Variants in KRABD5 observed in about 807,000 individuals in gnomAD.
KRABD5 encodes the protein KRAB domain containing 5, also known as KRAB domain-containing protein 5.
the KRABD5 span, among the ~76,000 whole-genome samples, chr16:31,737,407 A>G: frequency 1.3e-5 from 2 of 152,234 alleles, no homozygotes; most frequent in Admixed American, 1.3e-4. Flanking sequence ...GTGTGCTGAT[A>G]GAAAACCATC....
At chr16:31,755,561 G>T in the KRABD5 span, 1 of 463,750 alleles carries the variant, frequency 2.2e-6, no homozygotes, top group South Asian at 1.5e-5. Context: ...TATATGTAAG[G>T]ATTGTGGCAT....
chr16:31,755,163 G>A, the KRABD5 span: 2 of 482,438 alleles, frequency 4.1e-6, no homozygotes, highest in Admixed American at 2.2e-5. Flanking sequence ...GCCTTTAACT[G>A]TAGGTCGTAC....
At chr16:31,759,574 TG>T in the KRABD5 span, 10 of 691,990 alleles carry the variant, frequency 1.4e-5, no homozygotes, top group South Asian at 3.1e-5. Context: ...ATTAAATGGG[TG>T]GGGGTAGGGA....
chr16:31,739,386 C>G, the KRABD5 span, among the ~76,000 whole-genome samples: 3 of 152,186 alleles, frequency 2.0e-5, no homozygotes, highest in East Asian at 5.8e-4. Context: ...AACTTTCTGA[C>G]CTGTGAGATT....
chr16:31,745,577 C>T, the KRABD5 span, among the ~76,000 whole-genome samples: 1 of 151,816 alleles, frequency 6.6e-6, no homozygotes, highest in Admixed American at 6.6e-5. Context: ...CATCTGGCAC[C>T]GAGAAGAATG....
chr16:31,731,945 A>G, the KRABD5 span, among the ~76,000 whole-genome samples: 1 of 152,152 alleles, frequency 6.6e-6, no homozygotes, highest in African/African-American at 2.4e-5. Context: ...GAGAGTTGAC[A>G]GAGATAGATT....
chr16:31,742,738 C>T, the KRABD5 span, among the ~76,000 whole-genome samples: 1 of 152,192 alleles, frequency 6.6e-6, no homozygotes, highest in African/African-American at 2.4e-5. Flanking sequence ...AATCACCACA[C>T]TGTCTTCCAC....
At chr16:31,754,534 A>G in the KRABD5 span, 2 of 577,168 alleles carry the variant, frequency 3.5e-6, no homozygotes, top group Admixed American at 2.2e-5. Context: ...CTCATTTTCT[A>G]CATAACCATT....
the KRABD5 span, chr16:31,758,401 C>G: frequency 1.3e-5 from 2 of 151,804 alleles, no homozygotes; most frequent in African/African-American, 4.8e-5. Context: ...TAAATCAACA[C>G]TAGAACATCA....
At chr16:31,724,945 A>G in the KRABD5 span, among the ~76,000 whole-genome samples, 4 of 152,042 alleles carry the variant, frequency 2.6e-5, no homozygotes, top group Admixed American at 2.6e-4. Context: ...CAGTATTTGT[A>G]TTTCTCTATC....
At chr16:31,725,792 AG>A in the KRABD5 span, among the ~76,000 whole-genome samples, 4 of 152,216 alleles carry the variant, frequency 2.6e-5, no homozygotes, top group African/African-American at 9.6e-5. Flanking sequence ...AAGACTTTCT[AG>A]TCAGGTCCTT....
the KRABD5 span, among the ~76,000 whole-genome samples, chr16:31,745,416 G>A: frequency 4.5e-4 from 69 of 151,998 alleles, no homozygotes; most frequent in Non-Finnish European, 8.5e-4. Context: ...CAATTTCCAT[G>A]TAATTGTATG....
the KRABD5 span, among the ~76,000 whole-genome samples, chr16:31,743,938 T>C: frequency 6.6e-6 from 1 of 152,188 alleles, no homozygotes. Flanking sequence ...ATTCTTGTTG[T>C]AAAGGAATGC....
the KRABD5 span, chr16:31,723,275 C>T: frequency 1.2e-6 from 2 of 1,613,838 alleles, no homozygotes; most frequent in Non-Finnish European, 1.7e-6. Flanking sequence ...TGTCTCTAAG[C>T]CGGACCTGAT....
chr16:31,734,515 G>T, the KRABD5 span, among the ~76,000 whole-genome samples: 1 of 152,082 alleles, frequency 6.6e-6, no homozygotes, highest in African/African-American at 2.4e-5. Context: ...GCCTCCCAAA[G>T]TACAGGGATT....
chr16:31,749,781 A>C, the KRABD5 span, among the ~76,000 whole-genome samples: 1 of 152,104 alleles, frequency 6.6e-6, no homozygotes, highest in Non-Finnish European at 1.5e-5. Flanking sequence ...GTCAGTTCTG[A>C]TGGGAGAATC....
chr16:31,760,842 G>A, the KRABD5 span: 1 of 152,140 alleles, frequency 6.6e-6, no homozygotes, highest in Non-Finnish European at 1.5e-5. Flanking sequence ...GTAATGTTGG[G>A]CCTTGATTTC....
At chr16:31,713,735 G>T in the KRABD5 span, among the ~76,000 whole-genome samples, 1 of 152,232 alleles carries the variant, frequency 6.6e-6, no homozygotes, top group Non-Finnish European at 1.5e-5. Flanking sequence ...GAAATCCCGG[G>T]TCGGCGTGTG....
At chr16:31,728,873 G>A in the KRABD5 span, among the ~76,000 whole-genome samples, 2 of 152,004 alleles carry the variant, frequency 1.3e-5, no homozygotes, top group Non-Finnish European at 2.9e-5. Flanking sequence ...TTTTAAGTAG[G>A]GTACTAATGT....
Sources: allele counts gnomAD v4.1 joint callset (sites outside exome capture counted in the v4.1 genomes callset), GRCh38; gene constraint gnomAD v4.1.1; transcripts MANE v1.5; gene names NCBI Gene and HGNC (gene_info 2026-07-23, HGNC 2026-07-21).